The following RNF180 variants were observed in gnomAD, a reference collection of about 807,000 sequenced individuals.
RNF180 encodes ring finger protein 180.
Under a neutral mutation model 59.2 loss-of-function variants are expected in RNF180, and 38 were observed. The observed-to-expected ratio is 0.64, with a 90% CI of 0.50 to 0.84. The LOEUF is 0.84. RNF180 is among the 40% of genes least tolerant of loss of function. The pLI, the probability that RNF180 is intolerant of heterozygous loss-of-function variation, is 0.00. For synonymous variants in RNF180, 262 were observed against 240.3 expected (o/e 1.09, Z -0.84); for missense variants, 705 against 700.9 (o/e 1.01, Z -0.07).
intron 7 of RNF180, among the ~76,000 whole-genome samples, chr5:64,354,605 A>C (rs1446711278): frequency 1.3e-5 from 2 of 151,896 alleles, no homozygotes; most frequent in African/African-American, 4.8e-5. Context: ...TATGAGGACA[A>C]CACTACCTCA....
At chr5:64,361,816 G>T (rs577897292) in intron 7 of RNF180, among the ~76,000 whole-genome samples, 23 of 151,500 alleles carry the variant, frequency 1.5e-4, no homozygotes, top group Non-Finnish European at 2.8e-4. Flanking sequence ...TGAAGTGGTT[G>T]TGTCTATTAA....
At chr5:64,219,046 G>A (rs1475150126) in intron 5 of RNF180, among the ~76,000 whole-genome samples, 4 of 152,136 alleles carry the variant, frequency 2.6e-5, no homozygotes, top group Non-Finnish European at 5.9e-5. Context: ...TGGAGGTGTT[G>A]AGAGCAGAAA....
intron 2 of RNF180, among the ~76,000 whole-genome samples, chr5:64,205,999 G>A (rs1016492812): frequency 3.9e-5 from 6 of 152,118 alleles, no homozygotes; most frequent in Non-Finnish European, 8.8e-5. Context: ...TTGATGATTC[G>A]TGTTAAATGT....
intron 5 of RNF180, among the ~76,000 whole-genome samples, chr5:64,250,558 A>C (rs1185376251): frequency 6.6e-6 from 1 of 152,138 alleles, no homozygotes; most frequent in Non-Finnish European, 1.5e-5. Context: ...AAATAAATTT[A>C]ATCAGAAATG....
At chr5:64,345,372 A>G (rs1745514871) in intron 7 of RNF180, among the ~76,000 whole-genome samples, 1 of 152,150 alleles carries the variant, frequency 6.6e-6, no homozygotes, top group African/African-American at 2.4e-5. Context: ...TGGCTTCTTG[A>G]TCCTGAGGAA....
chr5:64,227,141 A>G (rs1337936997), intron 5 of RNF180, among the ~76,000 whole-genome samples: 1 of 152,128 alleles, frequency 6.6e-6, no homozygotes, highest in Non-Finnish European at 1.5e-5. Context: ...GCCACAAACT[A>G]GGTGGGCAGA....
At position 64,267,769 on chromosome 5, in the gene RNF180, A is replaced by G. The variant is rs1744770572; in HGVS notation, c.1227+50373A>G. On this transcript the variant is annotated intron_variant, in intron 5 of 7. Transcript: ENST00000389100. ...TATGTGCTTCTTTATTAAGGCATTA[A>G]ATAGAAGTATCTAGTTATGGCTGTA... is the stretch of plus-strand genomic sequence containing the variant. Among the ~76,000 whole-genome samples, 4 of 152,152 alleles carry G rather than the reference A, an allele frequency of 2.6e-5. No individual in the cohort carries two copies. The South Asian group carries it at 8.3e-4, about 31-fold the overall frequency.
intron 1 of RNF180, among the ~76,000 whole-genome samples, chr5:64,186,165 C>T (rs570602916): frequency 2.5e-4 from 38 of 152,098 alleles, no homozygotes; most frequent in Admixed American, 1.0e-3. Flanking sequence ...TTCCTCTTGC[C>T]CTGAAGTAAA....
At chr5:64,217,942 A>C (rs11953380) in intron 5 of RNF180, among the ~76,000 whole-genome samples, 39,254 of 151,986 alleles carry the variant, frequency 0.26, 5,216 homozygotes, top group Middle Eastern at 0.32. Context: ...GTCTCAAAAA[A>C]TACAAAAACA....
At chr5:64,229,206 T>C (rs1176176564) in intron 5 of RNF180, among the ~76,000 whole-genome samples, 1 of 152,166 alleles carries the variant, frequency 6.6e-6, no homozygotes, top group East Asian at 1.9e-4. Context: ...ATTACAGGCT[T>C]GAGGCACTGC....
intron 7 of RNF180, among the ~76,000 whole-genome samples, chr5:64,342,790 C>T (rs1017706363): frequency 1.3e-5 from 2 of 152,092 alleles, no homozygotes; most frequent in African/African-American, 4.8e-5. Context: ...TGAAAAACAA[C>T]ACACTAAACA....
chr5:64,231,991 A>C (rs559705789), intron 5 of RNF180, among the ~76,000 whole-genome samples: 7 of 152,128 alleles, frequency 4.6e-5, no homozygotes, highest in Non-Finnish European at 1.0e-4. Flanking sequence ...CTTAGATTTT[A>C]TTACAGTTTT....
At chr5:64,227,341 G>A (rs1365771846) in intron 5 of RNF180, among the ~76,000 whole-genome samples, 1 of 152,200 alleles carries the variant, frequency 6.6e-6, no homozygotes, top group East Asian at 1.9e-4. Context: ...GCAGGGGCCT[G>A]ACAACCCAAC....
intron 5 of RNF180, among the ~76,000 whole-genome samples, chr5:64,264,220 C>CT (rs915282199): frequency 2.0e-5 from 3 of 151,964 alleles, no homozygotes; most frequent in Admixed American, 6.6e-5. Context: ...TAAGAAACAT[C>CT]TTTTTTTTAT....
At chr5:64,220,435 T>C (rs1275099061) in intron 5 of RNF180, among the ~76,000 whole-genome samples, 1 of 152,026 alleles carries the variant, frequency 6.6e-6, no homozygotes, top group Non-Finnish European at 1.5e-5. Flanking sequence ...ATTTTTATTT[T>C]GATGCAGTTA....
At chr5:64,251,683 C>T (rs1435031154) in intron 5 of RNF180, among the ~76,000 whole-genome samples, 2 of 152,122 alleles carry the variant, frequency 1.3e-5, no homozygotes, top group African/African-American at 2.4e-5. Context: ...TCCCAGGTGA[C>T]GTTGCCTTAT....
chr5:64,357,027 T>C (rs890095873), intron 7 of RNF180, among the ~76,000 whole-genome samples: 2 of 151,884 alleles, frequency 1.3e-5, no homozygotes, highest in Admixed American at 1.3e-4. Context: ...AAAAAAGCAG[T>C]ATTCAATTCT....
At chr5:64,315,191 C>T (rs1743973830) in intron 5 of RNF180, among the ~76,000 whole-genome samples, 1 of 152,160 alleles carries the variant, frequency 6.6e-6, no homozygotes, top group South Asian at 2.1e-4. Flanking sequence ...TAACAAAAGT[C>T]ATTAAGTATT....
intron 1 of RNF180, among the ~76,000 whole-genome samples, chr5:64,198,124 T>C (rs1165276627): frequency 6.6e-6 from 1 of 152,220 alleles, no homozygotes; most frequent in East Asian, 1.9e-4. Flanking sequence ...AATTTTATAA[T>C]ACATTTTCCT....
Sources: allele counts gnomAD v4.1 joint callset (sites outside exome capture counted in the v4.1 genomes callset), GRCh38; gene constraint gnomAD v4.1.1; transcripts MANE v1.5; gene names NCBI Gene and HGNC (gene_info 2026-07-23, HGNC 2026-07-21).